Variants in RPS6KC1 observed in about 807,000 individuals in gnomAD.
The protein encoded by RPS6KC1 is ribosomal protein S6 kinase C1.
In RPS6KC1, 54 loss-of-function variants were observed where a neutral mutation model predicts 103.8. That is an observed-to-expected ratio of 0.52 (90% CI 0.42 to 0.65). The LOEUF (loss-of-function observed/expected upper bound fraction) is 0.65. Among genes scored for constraint, RPS6KC1 ranks in the 30% least tolerant of loss-of-function variants. The pLI, the probability that RPS6KC1 is intolerant of heterozygous loss-of-function variation, is 0.00. For synonymous variants in RPS6KC1, 439 were observed against 438.7 expected (o/e 1.00, Z -0.01); for missense variants, 1,151 against 1,253.8 (o/e 0.92, Z 1.24).
chr1:213,110,131 T>C (rs1347991160), intron 4 of RPS6KC1, among the ~76,000 whole-genome samples: 2 of 152,250 alleles, frequency 1.3e-5, no homozygotes, highest in South Asian at 2.1e-4. Flanking sequence ...TCTTTAATCA[T>C]GTTTTCCCTT....
the RPS6KC1 span, among the ~76,000 whole-genome samples, chr1:213,326,533 T>C: frequency 2.0e-5 from 3 of 152,188 alleles, no homozygotes; most frequent in Admixed American, 2.0e-4. Flanking sequence ...GACACTAATG[T>C]ATTATAGGTC....
the RPS6KC1 span, among the ~76,000 whole-genome samples, chr1:213,468,472 C>T: frequency 5.5e-4 from 84 of 152,324 alleles, no homozygotes; most frequent in African/African-American, 2.0e-3. Flanking sequence ...CTCATTCATA[C>T]ATTATTCTCT....
At chr1:213,664,767 A>G in the RPS6KC1 span, among the ~76,000 whole-genome samples, 1 of 152,196 alleles carries the variant, frequency 6.6e-6, no homozygotes, top group African/African-American at 2.4e-5. Context: ...GCAATAATTA[A>G]GATCTTTAGT....
the RPS6KC1 span, among the ~76,000 whole-genome samples, chr1:213,337,400 G>A: frequency 1.3e-5 from 2 of 152,202 alleles, no homozygotes; most frequent in Non-Finnish European, 2.9e-5. Flanking sequence ...GTAAATGAAG[G>A]AGATGCTCTA....
chr1:213,363,361 G>A, the RPS6KC1 span, among the ~76,000 whole-genome samples: 1 of 152,248 alleles, frequency 6.6e-6, no homozygotes, highest in East Asian at 1.9e-4. Flanking sequence ...ATCACAAGAA[G>A]TCTGGTGGTA....
the RPS6KC1 span, among the ~76,000 whole-genome samples, chr1:213,659,184 C>T: frequency 3.2e-3 from 485 of 152,118 alleles, 7 homozygotes; most frequent in African/African-American, 0.011. Flanking sequence ...AGGCTGGTCT[C>T]GAACTCCTGA....
chr1:213,180,648 G>A (rs2092208023), intron 8 of RPS6KC1, among the ~76,000 whole-genome samples: 2 of 152,114 alleles, frequency 1.3e-5, no homozygotes, highest in Admixed American at 1.3e-4. Context: ...CAATAGCAGG[G>A]GAGAGAAGAA....
chr1:213,653,975 T>G, the RPS6KC1 span, among the ~76,000 whole-genome samples: 1 of 152,178 alleles, frequency 6.6e-6, no homozygotes, highest in Non-Finnish European at 1.5e-5. Flanking sequence ...GGACTTGAGG[T>G]CATGTCTTCA....
chr1:213,858,482 C>T, the RPS6KC1 span, among the ~76,000 whole-genome samples: 3 of 152,104 alleles, frequency 2.0e-5, no homozygotes, highest in East Asian at 3.9e-4. Context: ...GTTGTCCCAG[C>T]CTCAAAGAGG....
the RPS6KC1 span, among the ~76,000 whole-genome samples, chr1:213,289,682 C>T: frequency 6.6e-6 from 1 of 152,302 alleles, no homozygotes; most frequent in South Asian, 2.1e-4. Context: ...AGGCATGTTA[C>T]TTCTATCTAC....
chr1:213,409,465 G>A, the RPS6KC1 span, among the ~76,000 whole-genome samples: 1 of 152,006 alleles, frequency 6.6e-6, no homozygotes, highest in Admixed American at 6.6e-5. Context: ...TGTGGAGACT[G>A]TTTGTGAGGG....
the RPS6KC1 span, among the ~76,000 whole-genome samples, chr1:213,306,305 A>T: frequency 6.6e-5 from 10 of 152,298 alleles, no homozygotes; most frequent in South Asian, 1.2e-3. Flanking sequence ...AAGAAGCTGG[A>T]CATATTGGTA....
the RPS6KC1 span, among the ~76,000 whole-genome samples, chr1:213,743,317 A>G: frequency 6.6e-6 from 1 of 152,226 alleles, no homozygotes; most frequent in Admixed American, 6.5e-5. Flanking sequence ...GTTCTCGCTT[A>G]CAAAGGAGCT....
the RPS6KC1 span, among the ~76,000 whole-genome samples, chr1:213,330,920 A>C: frequency 2.6e-5 from 4 of 152,226 alleles, no homozygotes; most frequent in African/African-American, 9.6e-5. Flanking sequence ...AGGAGATCAC[A>C]TCTCTGCTGA....
chr1:213,505,472 C>A, the RPS6KC1 span, among the ~76,000 whole-genome samples: 2 of 152,228 alleles, frequency 1.3e-5, no homozygotes, highest in Non-Finnish European at 2.9e-5. Context: ...TGCTTAATCT[C>A]TCTGTGCCTC....
At chr1:213,615,934 G>C in the RPS6KC1 span, among the ~76,000 whole-genome samples, 7 of 152,212 alleles carry the variant, frequency 4.6e-5, no homozygotes, top group African/African-American at 1.4e-4. Flanking sequence ...GGTAGGTAGG[G>C]AAAATGATTT....
chr1:213,152,293 T>C (rs2089212921), intron 6 of RPS6KC1, among the ~76,000 whole-genome samples: 1 of 125,212 alleles, frequency 8.0e-6, no homozygotes. Context: ...TCCCCCTACC[T>C]CCCTCCCGGA....
the RPS6KC1 span, among the ~76,000 whole-genome samples, chr1:213,363,757 CTCTTCT>C: frequency 1.7e-5 from 1 of 60,412 alleles, no homozygotes; most frequent in African/African-American, 7.2e-5. Context: ...TTCTCTTTCT[CTCTTCT>C]TTCTTTCTTT....
the RPS6KC1 span, among the ~76,000 whole-genome samples, chr1:213,845,098 C>T: frequency 6.6e-6 from 1 of 151,696 alleles, no homozygotes; most frequent in Non-Finnish European, 1.5e-5. Context: ...GAAGGCTTAG[C>T]CTTCATTCTT....
Sources: gnomAD v4.1 joint callset for allele counts (sites outside exome capture counted in the v4.1 genomes callset) on GRCh38, gnomAD v4.1.1 for gene constraint, MANE v1.5 for transcripts, NCBI Gene and HGNC (gene_info 2026-07-23, HGNC 2026-07-21) for gene names.